Variants in COQ10B observed in about 807,000 individuals in gnomAD.
COQ10B encodes the protein coenzyme Q10B.
Under a neutral mutation model 27.6 loss-of-function variants are expected in COQ10B, and 12 were observed. The observed-to-expected ratio is 0.43, with a 90% CI of 0.28 to 0.70. The LOEUF is 0.70. COQ10B is among the 30% of genes least tolerant of loss of function. The pLI, the probability that COQ10B is intolerant of heterozygous loss-of-function variation, is 0.17. For synonymous variants in COQ10B, 115 were observed against 103.0 expected (o/e 1.12, Z -0.71); for missense variants, 278 against 288.7 (o/e 0.96, Z 0.27).
intron 4 of COQ10B, among the ~76,000 whole-genome samples, chr2:197,471,058 C>A (rs2085872366): frequency 6.6e-6 from 1 of 151,946 alleles, no homozygotes; most frequent in African/African-American, 2.4e-5. Flanking sequence ...AGAGTGAGAC[C>A]CTGTCTCAAA....
At chr2:197,467,566 G>A (rs568040252) in intron 3 of COQ10B, among the ~76,000 whole-genome samples, 14 of 152,068 alleles carry the variant, frequency 9.2e-5, no homozygotes, top group South Asian at 2.1e-4. Flanking sequence ...TAGTAGAGAC[G>A]GGGTTTCTCC....
chr2:197,461,349 A>C (rs2085755604), intron 2 of COQ10B, among the ~76,000 whole-genome samples: 1 of 152,144 alleles, frequency 6.6e-6, no homozygotes, highest in Admixed American at 6.6e-5. Flanking sequence ...GTGACACACA[A>C]CACCTCCTCC....
intron 1 of COQ10B, among the ~76,000 whole-genome samples, chr2:197,454,896 A>G (rs946711531): frequency 5.9e-5 from 9 of 152,172 alleles, no homozygotes; most frequent in African/African-American, 1.9e-4. Flanking sequence ...GCTGTTCTCC[A>G]TGTGGTCCAG....
intron 3 of COQ10B, among the ~76,000 whole-genome samples, chr2:197,467,441 A>G (rs1231766672): frequency 6.6e-6 from 1 of 151,670 alleles, no homozygotes; most frequent in Admixed American, 6.6e-5. Context: ...GCAATGGCGC[A>G]ATCTCAGCTC....
At chr2:197,463,476 T>TAA (rs777842364) in intron 3 of COQ10B, among the ~76,000 whole-genome samples, 1 of 109,598 alleles carries the variant, frequency 9.1e-6, no homozygotes. Context: ...GTCTCAAAAT[T>TAA]AAAAAAAAAA....
intron 4 of COQ10B, 49 bp from the exon 5 acceptor site, chr2:197,473,708 A>C: frequency 7.6e-7 from 1 of 1,320,822 alleles, no homozygotes; most frequent in Non-Finnish European, 9.9e-7. Context: ...AAAAAAAAAA[A>C]AAGCAAAAAA....
intron 4 of COQ10B, among the ~76,000 whole-genome samples, chr2:197,470,781 G>T (rs2085869515): frequency 6.6e-6 from 1 of 152,300 alleles, no homozygotes; most frequent in Admixed American, 6.5e-5. Context: ...TGTAATCCCA[G>T]CTACTCAGGA....
chr2:197,472,668 G>A (rs1330172988), intron 4 of COQ10B, among the ~76,000 whole-genome samples: 2 of 152,094 alleles, frequency 1.3e-5, no homozygotes, highest in Admixed American at 6.6e-5. Flanking sequence ...ACTGGACGTG[G>A]TGGCAGGTGC....
At chr2:197,454,546 C>T (rs983847667) in intron 1 of COQ10B, among the ~76,000 whole-genome samples, 7 of 151,860 alleles carry the variant, frequency 4.6e-5, no homozygotes, top group Non-Finnish European at 7.4e-5. Flanking sequence ...TTACCAAATC[C>T]AAATCCCTTT....
At chr2:197,461,762 T>A (rs1165633577) in intron 2 of COQ10B, among the ~76,000 whole-genome samples, 1 of 151,870 alleles carries the variant, frequency 6.6e-6, no homozygotes, top group East Asian at 2.0e-4. Flanking sequence ...TGTCTCAGCC[T>A]CCCGAGTAGC....
At chr2:197,473,423 TATATATATATATATATATACAC>T (rs2085902518) in intron 4 of COQ10B, among the ~76,000 whole-genome samples, 1 of 79,052 alleles carries the variant, frequency 1.3e-5, no homozygotes, top group Non-Finnish European at 2.5e-5. Flanking sequence ...AAAATATATA[TATATATATATATATATATACAC>T]ATATATACAT....
intron 3 of COQ10B, among the ~76,000 whole-genome samples, chr2:197,468,211 C>T (rs1009682847): frequency 2.0e-5 from 3 of 151,710 alleles, no homozygotes; most frequent in South Asian, 2.1e-4. Flanking sequence ...AAGGCCGAGG[C>T]GGGGGGATCA....
chr2:197,475,028 T>A lies in COQ10B; in HGVS notation c.*1104T>A, dbSNP rs1023174718. ...TTTCTATTTATTGTGTACACTCACT[T>A]TCAGTAATGTGTTTCAAACTGGTAT... On this transcript the variant is annotated 3_prime_UTR_variant, in exon 5 of 5. Transcript: ENST00000263960. The A allele has an allele frequency of 6.6e-6, 1 of 152,322 alleles. No individual in the cohort carries two copies. 9.4% of individuals were successfully genotyped at this position (152,322 alleles called of 1,614,324 possible).
chr2:197,470,825 G>A (rs1311512904), intron 4 of COQ10B, among the ~76,000 whole-genome samples: 1 of 152,198 alleles, frequency 6.6e-6, no homozygotes, highest in African/African-American at 2.4e-5. Flanking sequence ...AACCCGGGAG[G>A]CGGAGGTTGC....
chr2:197,459,651 A>C (rs2085735335), intron 1 of COQ10B, among the ~76,000 whole-genome samples: 1 of 152,314 alleles, frequency 6.6e-6, no homozygotes, highest in Admixed American at 6.5e-5. Flanking sequence ...TTATGGTAAG[A>C]GTAAGTTGTA....
chr2:197,458,280 A>G (rs1308460155), intron 1 of COQ10B, among the ~76,000 whole-genome samples: 1 of 152,130 alleles, frequency 6.6e-6, no homozygotes, highest in Non-Finnish European at 1.5e-5. Flanking sequence ...GCCTATGTGT[A>G]TTAGTATATA....
At chr2:197,463,633 G>GA (rs1223222929) in intron 3 of COQ10B, among the ~76,000 whole-genome samples, 1 of 148,926 alleles carries the variant, frequency 6.7e-6, no homozygotes, top group Admixed American at 6.7e-5. Flanking sequence ...AAAATGAAAA[G>GA]AAAAAATATA....
At chr2:197,473,415 A>AAAATATATATATAT (rs1229206676) in intron 4 of COQ10B, among the ~76,000 whole-genome samples, 2 of 59,520 alleles carry the variant, frequency 3.4e-5, no homozygotes, top group African/African-American at 8.5e-5. Flanking sequence ...AAAAAAAAAA[A>AAAATATATATATAT]ATATATATAT....
chr2:197,455,380 CTT>C (rs1482473087), intron 1 of COQ10B, among the ~76,000 whole-genome samples: 4 of 152,048 alleles, frequency 2.6e-5, no homozygotes. Context: ...AATTCCAACA[CTT>C]TGGGAGGCTG....
Sources: gnomAD v4.1 joint callset for allele counts (sites outside exome capture counted in the v4.1 genomes callset) on GRCh38, gnomAD v4.1.1 for gene constraint, MANE v1.5 for transcripts, NCBI Gene and HGNC (gene_info 2026-07-23, HGNC 2026-07-21) for gene names.